Variants in KCTD8 observed in about 807,000 individuals in gnomAD.
KCTD8 encodes the protein BTB/POZ domain-containing protein KCTD8.
KCTD8 carries 27 observed loss-of-function variants against 31.5 expected under a neutral mutation model. The ratio of observed to expected loss-of-function variants is 0.86; its 90% CI spans 0.63 to 1.18. The LOEUF (loss-of-function observed/expected upper bound fraction) is 1.18, where lower values mean the gene tolerates loss of function less well. Ranked by LOEUF, KCTD8 falls within the 50% of genes most tolerant of loss-of-function variation. The probability of loss-of-function intolerance (pLI) is 0.00; values close to 1 mark genes in which losing one functional copy is unlikely to be tolerated. For synonymous variants in KCTD8, 290 were observed against 280.0 expected (o/e 1.04, Z -0.36); for missense variants, 658 against 647.7 (o/e 1.02, Z -0.17).
At chr4:44,348,585 A>G (rs569696323) in intron 1 of KCTD8, among the ~76,000 whole-genome samples, 85 of 152,196 alleles carry the variant, frequency 5.6e-4, no homozygotes, top group Non-Finnish European at 1.1e-3. Flanking sequence ...TTATTTGTAT[A>G]CTAATTCCTT....
At chr4:44,390,780 T>G (rs982478679) in intron 1 of KCTD8, among the ~76,000 whole-genome samples, 14 of 152,012 alleles carry the variant, frequency 9.2e-5, no homozygotes, top group Admixed American at 7.9e-4. Context: ...AAATTGGCAT[T>G]GATAATAAAA....
At chr4:44,196,712 C>CCAGAAGAAGCT (rs1713952567) in intron 1 of KCTD8, among the ~76,000 whole-genome samples, 3 of 152,188 alleles carry the variant, frequency 2.0e-5, no homozygotes, top group Admixed American at 2.0e-4. Context: ...AGAGGAAGAG[C>CCAGAAGAAGCT]TCCCAGGGAA....
chr4:44,222,977 C>T (rs926832729), intron 1 of KCTD8, among the ~76,000 whole-genome samples: 1 of 152,048 alleles, frequency 6.6e-6, no homozygotes, highest in African/African-American at 2.4e-5. Context: ...AGATTTATTC[C>T]AATTCAATAG....
rs545579946 is a variant in KCTD8 at position 44,328,665 on chromosome 4, T to C, written c.961+118898A>G. On this transcript the variant is annotated intron_variant, in intron 1 of 1. Coordinates refer to ENST00000360029, the MANE Select transcript of KCTD8 (RefSeq NM_198353.3). Reference sequence around the variant, plus strand: ...TCATGAGAATCAAGTTCCTAAATTATCAGTGCCATCCAAAGAGTTGCTTTT... The same window carrying C: ...TCATGAGAATCAAGTTCCTAAATTACCAGTGCCATCCAAAGAGTTGCTTTT... Among the ~76,000 whole-genome samples the C allele has an allele frequency of 1.8e-4, 27 of 152,106 alleles. 1 individual carries two copies. The highest frequency in any genetic ancestry group is 6.5e-4 in the African/African-American group (27 of 41,450).
At chr4:44,211,754 T>C (rs1311067385) in intron 1 of KCTD8, among the ~76,000 whole-genome samples, 2 of 152,128 alleles carry the variant, frequency 1.3e-5, no homozygotes, top group Non-Finnish European at 2.9e-5. Flanking sequence ...TAATTTTTTG[T>C]CTGCTGCAAC....
intron 1 of KCTD8, among the ~76,000 whole-genome samples, chr4:44,228,578 T>C (rs1290403038): frequency 1.3e-5 from 2 of 152,250 alleles, no homozygotes; most frequent in East Asian, 1.9e-4. Context: ...CACTTGCTTT[T>C]GCCTTTGCAA....
intron 1 of KCTD8, among the ~76,000 whole-genome samples, chr4:44,267,905 C>G (rs1158695976): frequency 2.0e-5 from 3 of 152,266 alleles, no homozygotes; most frequent in Non-Finnish European, 4.4e-5. Flanking sequence ...TTATCAATAG[C>G]TTACCAACCA....
At chr4:44,442,738 T>G (rs1309948504) in intron 1 of KCTD8, among the ~76,000 whole-genome samples, 1 of 151,728 alleles carries the variant, frequency 6.6e-6, no homozygotes, top group Non-Finnish European at 1.5e-5. Flanking sequence ...TATACATATT[T>G]CTTTTTTCCA....
chr4:44,181,252 G>GGTCTCCCTCTCCCTCTCTTTCCACC lies in KCTD8; in HGVS notation c.962-6027_962-6003dup, dbSNP rs1260440730. On this transcript the variant is annotated intron_variant, in intron 1 of 1. Transcript: ENST00000360029. Reference sequence around the variant, plus strand: ...GGTCTCCCTCTCCCTCTCTTTCCACGGTCTCCCTCTCCCTCTCTTTCCACC... The same window carrying GGTCTCCCTCTCCCTCTCTTTCCACC: ...GGTCTCCCTCTCCCTCTCTTTCCACGGTCTCCCTCTCCCTCTCTTTCCACCGTCTCCCTCTCCCTCTCTTTCCACC... Among the ~76,000 whole-genome samples the GGTCTCCCTCTCCCTCTCTTTCCACC allele has an allele frequency of 3.2e-3, 419 of 130,566 alleles. 176 individuals carry two copies. Among genetic ancestry groups the GGTCTCCCTCTCCCTCTCTTTCCACC allele is most frequent in the Middle Eastern group, 0.015 (4 of 274 alleles). 85.7% of individuals were successfully genotyped at this position (130,566 alleles called of 152,430 possible).
chr4:44,426,868 TA>T (rs1721362745), intron 1 of KCTD8, among the ~76,000 whole-genome samples: 1 of 151,640 alleles, frequency 6.6e-6, no homozygotes, highest in African/African-American at 2.4e-5. Context: ...GTAAAGATAG[TA>T]AAAAAATTAT....
At position 44,279,193 on chromosome 4, in the gene KCTD8, A is replaced by C. The variant is rs189078135; in HGVS notation, c.962-103943T>G. On this transcript the variant is annotated intron_variant, in intron 1 of 1. Transcript: ENST00000360029. Reference sequence around the variant, plus strand: ...TCACCATAAACTTAGCAACTTCAATAAAATTCATTTATTATCTCACAGTTT... The same window carrying C: ...TCACCATAAACTTAGCAACTTCAATCAAATTCATTTATTATCTCACAGTTT... 2.7e-3 allele frequency among the ~76,000 whole-genome samples: 416 copies of C among 152,206 alleles called. 4 individuals carry two copies. Among genetic ancestry groups the C allele is most frequent in the Non-Finnish European group, 2.7e-3 (185 of 67,982 alleles).
intron 1 of KCTD8, among the ~76,000 whole-genome samples, chr4:44,194,781 TTCCCTCCCTCCCTCCCTCCC>T (rs1193612494): frequency 1.4e-4 from 2 of 13,948 alleles, no homozygotes; most frequent in Non-Finnish European, 2.8e-4. Context: ...CCCTCCCCCC[TTCCCTCCCTCCCTCCCTCCC>T]TCCCTCCCTC....
At chr4:44,408,340 C>T (rs1015543267) in intron 1 of KCTD8, among the ~76,000 whole-genome samples, 3 of 152,100 alleles carry the variant, frequency 2.0e-5, no homozygotes, top group Non-Finnish European at 2.9e-5. Flanking sequence ...CTCAAATGAT[C>T]GCTATTTATT....
intron 1 of KCTD8, among the ~76,000 whole-genome samples, chr4:44,182,290 A>G (rs1435479102): frequency 6.6e-6 from 1 of 152,214 alleles, no homozygotes; most frequent in Non-Finnish European, 1.5e-5. Context: ...TGGGCAGTGT[A>G]CCCAACAGCT....
chr4:44,317,441 T>G (rs1243007738), intron 1 of KCTD8, among the ~76,000 whole-genome samples: 16 of 147,132 alleles, frequency 1.1e-4, no homozygotes, highest in Admixed American at 1.1e-3. Context: ...GGGTTTCACC[T>G]TGTTAGCCAG....
chr4:44,266,086 A>T (rs1301490027), intron 1 of KCTD8, among the ~76,000 whole-genome samples: 1 of 152,118 alleles, frequency 6.6e-6, no homozygotes, highest in Non-Finnish European at 1.5e-5. Flanking sequence ...CAAGACACAT[A>T]ATTGTCAGAT....
At chr4:44,308,834 A>C (rs1560422133) in intron 1 of KCTD8, among the ~76,000 whole-genome samples, 1 of 152,138 alleles carries the variant, frequency 6.6e-6, no homozygotes, top group Non-Finnish European at 1.5e-5. Flanking sequence ...TCACTGCCAT[A>C]TATCTTTTAC....
At chr4:44,230,364 C>T (rs1715088362) in intron 1 of KCTD8, among the ~76,000 whole-genome samples, 2 of 152,248 alleles carry the variant, frequency 1.3e-5, no homozygotes, top group South Asian at 4.1e-4. Context: ...AAATTATTCA[C>T]ATAAAATTCA....
At chr4:44,389,965 T>C (rs373073930) in intron 1 of KCTD8, among the ~76,000 whole-genome samples, 1 of 151,796 alleles carries the variant, frequency 6.6e-6, no homozygotes, top group East Asian at 1.9e-4. Context: ...GTCCTTAGCC[T>C]ACTTTTTGAT....
Sources: allele counts gnomAD v4.1 joint callset (sites outside exome capture counted in the v4.1 genomes callset), GRCh38; gene constraint gnomAD v4.1.1; transcripts MANE v1.5; gene names NCBI Gene and HGNC (gene_info 2026-07-23, HGNC 2026-07-21).